Variants in DOCK10 observed in about 807,000 individuals in gnomAD.
DOCK10 encodes the protein dedicator of cytokinesis protein 10.
Under a neutral mutation model 280.1 loss-of-function variants are expected in DOCK10, and 145 were observed. That is an observed-to-expected ratio of 0.52 (90% CI 0.45 to 0.59). DOCK10 has a LOEUF of 0.59. DOCK10 is among the 20% of genes least tolerant of loss of function. The probability of loss-of-function intolerance (pLI) is 0.00; values close to 1 mark genes in which losing one functional copy is unlikely to be tolerated. For synonymous variants in DOCK10, 915 were observed against 942.2 expected (o/e 0.97, Z 0.53); for missense variants, 2,368 against 2,651.7 (o/e 0.89, Z 2.35).
chr2:224,907,742 T>C (rs1043466169), intron 3 of DOCK10, among the ~76,000 whole-genome samples: 7 of 152,012 alleles, frequency 4.6e-5, no homozygotes, highest in Non-Finnish European at 1.0e-4. Context: ...ACAACTAATT[T>C]ATCTGATCTC....
rs773160200 is a variant in DOCK10, at chr2:224,885,853, A to G, written c.613-48T>C. On this transcript the variant is annotated intron_variant, in intron 6 of 55. Coordinates refer to ENST00000258390, the MANE Select transcript of DOCK10 (RefSeq NM_014689.3). ...GGAGATATTCAAATTGTAATGTGCT[A>G]TTACTCATAGAAATTAGAATTATTC... 4.4e-6 allele frequency: 7 copies of G among 1,583,288 alleles called. No individual in the cohort carries two copies. The East Asian group carries it at 6.7e-5, about 15-fold the overall frequency.
intron 1 of DOCK10, among the ~76,000 whole-genome samples, chr2:225,025,527 A>G (rs1689897227): frequency 6.6e-6 from 1 of 152,226 alleles, no homozygotes; most frequent in Non-Finnish European, 1.5e-5. Context: ...CCAATGAGAA[A>G]TGATAGGTTG....
At chr2:225,022,271 C>T (rs1359384637) in intron 1 of DOCK10, among the ~76,000 whole-genome samples, 2 of 152,194 alleles carry the variant, frequency 1.3e-5, no homozygotes, top group African/African-American at 2.4e-5. Context: ...TCTTGTCTTA[C>T]ATCTACCATT....
intron 55 of DOCK10, among the ~76,000 whole-genome samples, chr2:224,767,017 C>T (rs919358923): frequency 2.6e-5 from 4 of 152,204 alleles, no homozygotes; most frequent in Non-Finnish European, 5.9e-5. Context: ...CTTTTCTAGA[C>T]ACTTTTGGAG....
At chr2:224,946,831 A>T in intron 1 of DOCK10, 1 of 1,505,950 alleles carries the variant, frequency 6.6e-7, no homozygotes, top group Non-Finnish European at 8.9e-7. Flanking sequence ...CAAAACATTG[A>T]CATTTGGATA....
Position 224,919,501 on chromosome 2 carries a change from A to G in DOCK10, c.244-2717T>C, listed in dbSNP as rs527613371. ...GTGGATGGTGTGTATGTGTGGTGTG[A>G]GTGTGTACGTGTGGTGTGAATGTGT... On this transcript the variant is annotated intron_variant, in intron 2 of 55. Transcript: ENST00000258390. 6.9e-5 allele frequency among the ~76,000 whole-genome samples: 9 copies of G among 130,608 alleles called. 1 individual carries two copies. In the East Asian group the frequency reaches 9.7e-4, roughly 14 times the overall value. The allele number at this position is 130,608 out of a possible 152,430, so 85.7% of individuals were successfully genotyped here.
chr2:224,826,704 C>G (rs968838942), intron 27 of DOCK10, among the ~76,000 whole-genome samples: 3 of 151,962 alleles, frequency 2.0e-5, no homozygotes, highest in African/African-American at 7.2e-5. Context: ...GCCTGGGCAA[C>G]ATGACGAAAC....
At chr2:224,888,387 AAT>A (rs916211314) in intron 4 of DOCK10, among the ~76,000 whole-genome samples, 31 of 152,002 alleles carry the variant, frequency 2.0e-4, no homozygotes, top group East Asian at 7.7e-4. Flanking sequence ...TATGTGTGTG[AAT>A]ATATATGTGT....
Position 225,005,026 on chromosome 2 carries a change from T to A in DOCK10, c.123+37226A>T, listed in dbSNP as rs369529264. On this transcript the variant is annotated intron_variant, in intron 1 of 55. Coordinates refer to ENST00000258390, the MANE Select transcript of DOCK10 (RefSeq NM_014689.3). ...AGCCTAAAATCAATCAACCCCTTCA[T>A]GAAACTAATTTTAGAAAAGAGGTCA... Among the ~76,000 whole-genome samples, 51 of 152,322 alleles carry A rather than the reference T, an allele frequency of 3.3e-4. 1 individual carries two copies. Among genetic ancestry groups the A allele is most frequent in the Non-Finnish European group, 5.0e-4 (34 of 68,026 alleles).
chr2:224,792,791 T>G (rs1692289976), intron 47 of DOCK10, among the ~76,000 whole-genome samples, 183 bp downstream of exon 47: 1 of 152,230 alleles, frequency 6.6e-6, no homozygotes, highest in Admixed American at 6.5e-5. Context: ...GTTATTTAAA[T>G]TTTATAAATT....
chr2:224,905,406 C>G (rs940467752), intron 3 of DOCK10, among the ~76,000 whole-genome samples: 1 of 151,916 alleles, frequency 6.6e-6, no homozygotes, highest in African/African-American at 2.4e-5. Flanking sequence ...CGCCACCGCG[C>G]CCGGCTAATT....
intron 7 of DOCK10, among the ~76,000 whole-genome samples, chr2:224,876,788 G>C (rs1485457033): frequency 7.2e-5 from 11 of 151,938 alleles, no homozygotes; most frequent in Admixed American, 7.2e-4. Flanking sequence ...GCCTTTTTTC[G>C]ATCTCCTCTG....
At chr2:225,005,847 A>G (rs970130543) in intron 1 of DOCK10, among the ~76,000 whole-genome samples, 1 of 152,218 alleles carries the variant, frequency 6.6e-6, no homozygotes, top group Non-Finnish European at 1.5e-5. Flanking sequence ...CTTCCACACA[A>G]TATGATCCAA....
chr2:224,885,403 C>T (rs1474547395), intron 7 of DOCK10, among the ~76,000 whole-genome samples: 3 of 152,208 alleles, frequency 2.0e-5, no homozygotes, highest in African/African-American at 7.2e-5. Flanking sequence ...ACTCTTCTGT[C>T]TCCCTTTTGT....
intron 26 of DOCK10, among the ~76,000 whole-genome samples, chr2:224,833,208 C>A (rs574682232): frequency 6.6e-6 from 1 of 152,324 alleles, no homozygotes; most frequent in East Asian, 1.9e-4. Context: ...CATTACTCCT[C>A]TGTGCAAAAC....
chr2:224,810,551 G>T (rs915369327), intron 31 of DOCK10, among the ~76,000 whole-genome samples: 1 of 151,344 alleles, frequency 6.6e-6, no homozygotes, highest in Non-Finnish European at 1.5e-5. Flanking sequence ...TGTTACATAT[G>T]TATACATGTG....
chr2:225,024,927 A>G (rs938824500), intron 1 of DOCK10, among the ~76,000 whole-genome samples: 1 of 152,120 alleles, frequency 6.6e-6, no homozygotes, highest in African/African-American at 2.4e-5. Context: ...AATCAAAAAA[A>G]CATTTTGATT....
chr2:225,037,894 C>T (rs1302068136), intron 1 of DOCK10, among the ~76,000 whole-genome samples: 1 of 152,248 alleles, frequency 6.6e-6, no homozygotes, highest in South Asian at 2.1e-4. Context: ...TTCTCCAATG[C>T]CCTTGAGAAA....
At chr2:224,913,899 T>C (rs1266349153) in intron 3 of DOCK10, among the ~76,000 whole-genome samples, 1 of 151,860 alleles carries the variant, frequency 6.6e-6, no homozygotes, top group Non-Finnish European at 1.5e-5. Context: ...GGCTAATTTT[T>C]TGGTTTTTTT....
Sources: allele counts gnomAD v4.1 joint callset (sites outside exome capture counted in the v4.1 genomes callset), GRCh38; gene constraint gnomAD v4.1.1; transcripts MANE v1.5; gene names NCBI Gene and HGNC (gene_info 2026-07-23, HGNC 2026-07-21).